Variants in AKT1S1 observed in about 807,000 individuals in gnomAD.
The protein encoded by AKT1S1 is AKT1 substrate 1, also known as proline-rich AKT1 substrate 1.
Under a neutral mutation model 21.2 loss-of-function variants are expected in AKT1S1, and 17 were observed. The ratio of observed to expected loss-of-function variants is 0.80; its 90% CI spans 0.55 to 1.20. The LOEUF is 1.20. Among genes scored for constraint, AKT1S1 ranks in the 50% most tolerant of loss-of-function variants. The pLI, the probability that AKT1S1 is intolerant of heterozygous loss-of-function variation, is 0.00. For missense variants in AKT1S1, 366 were observed against 368.3 expected, an observed-to-expected ratio of 0.99 and a Z score of 0.05; for synonymous variants, 181 against 165.6, an observed-to-expected ratio of 1.09 and a Z score of -0.72.
intron 1 of AKT1S1, chr19:49,876,469 C>A: frequency 8.4e-7 from 1 of 1,188,862 alleles, no homozygotes; most frequent in Non-Finnish European, 1.1e-6. Flanking sequence ...AGCAAAGGAT[C>A]GCTGGCAGAC....
intron 1 of AKT1S1, chr19:49,876,458 C>T: frequency 4.3e-6 from 5 of 1,166,130 alleles, no homozygotes; most frequent in Non-Finnish European, 5.5e-6. Flanking sequence ...TTCCAGCGCT[C>T]AGCAAAGGAT....
chr19:49,872,004 T>G (rs2074890816), intron 2 of AKT1S1, 115 bp from the exon 3 acceptor site: 2 of 1,124,004 alleles, frequency 1.8e-6, no homozygotes, highest in South Asian at 2.7e-5. Flanking sequence ...CCCTGAAGCT[T>G]CTGAGACCCA....
At position 49,869,567 on chromosome 19, in the gene AKT1S1, G is replaced by T. The variant is rs1283577540; in HGVS notation, c.*350C>A. On this transcript the variant is annotated 3_prime_UTR_variant, in exon 5 of 5. Coordinates refer to ENST00000344175, the MANE Select transcript of AKT1S1 (RefSeq NM_001098633.4). ...AAAAAGAGCTGTCCAGCGACTAGGG[G>T]ATGGAGCCAATGCCGTGCGAGCAAA... 6 of 209,200 alleles carry T rather than the reference G, an allele frequency of 2.9e-5. 1 individual carries two copies. Among genetic ancestry groups the T allele is most frequent in the South Asian group, 1.5e-4 (1 of 6,596 alleles). 13.0% of individuals were successfully genotyped at this position (209,200 alleles called of 1,614,324 possible).
chr19:49,875,747 T>A (rs962592288), intron 1 of AKT1S1: 6 of 598,824 alleles, frequency 1.0e-5, no homozygotes, highest in African/African-American at 2.0e-5. Context: ...TTGTGAGGGC[T>A]CCCCCAACTC....
upstream of AKT1S1, chr19:49,878,140 C>G: frequency 2.5e-6 from 4 of 1,574,356 alleles, no homozygotes; most frequent in Non-Finnish European, 2.6e-6. Flanking sequence ...CCCCCCAACT[C>G]AGGTGGTGTT....
At chr19:49,876,833 T>A in intron 1 of AKT1S1, 1 of 628,216 alleles carries the variant, frequency 1.6e-6, no homozygotes, top group South Asian at 3.2e-5. Flanking sequence ...GCATTTCCAT[T>A]TGCCCCCAAC....
At position 49,870,005 on chromosome 19, in the gene AKT1S1, C is replaced by G; in HGVS notation, c.683G>C (p.Arg228Pro). ...IAASMRALVL[R>P]EAEDTQVFGD... ...GAAGACCTGGGTGTCCTCGGCCTCT[C>G]GCAGCACCAGCGCGCGCATGCTCGC... Residue 228 changes from arginine to proline, a missense_variant, in exon 5 of 5, where the codon CGA (arginine) becomes CCA (proline). Arg to Pro is a moderately radical substitution (Grantham distance 103). Coordinates refer to ENST00000344175, the MANE Select transcript of AKT1S1 (RefSeq NM_001098633.4). 6.5e-7 allele frequency: 1 copy of G among 1,547,728 alleles called. No homozygotes were observed. The highest frequency in any genetic ancestry group is 2.5e-5 in the East Asian group (1 of 39,902).
chr19:49,876,136 T>C (rs866743895), intron 1 of AKT1S1: 2 of 992,914 alleles, frequency 2.0e-6, no homozygotes, highest in Non-Finnish European at 2.4e-6. Flanking sequence ...AACCTGAGCA[T>C]GAACGCGGTA....
chr19:49,869,688 GGA>G lies in AKT1S1; in HGVS notation c.*227_*228del, dbSNP rs772350340. ...TAATAGAAGGAATCTGTCGCTAGGC[GGA>G]GAGAGACGACAGACCCAATCGGGAA... On this transcript the variant is annotated 3_prime_UTR_variant, in exon 5 of 5. Transcript: ENST00000344175. 4.5e-5 allele frequency: 20 copies of G among 445,440 alleles called. No individual in the cohort carries two copies. Among genetic ancestry groups the G allele is most frequent in the Admixed American group, 1.3e-4 (3 of 23,380 alleles). 27.6% of individuals were successfully genotyped at this position (445,440 alleles called of 1,614,324 possible).
intron 4 of AKT1S1, among the ~76,000 whole-genome samples, chr19:49,870,461 C>T (rs1247557861): frequency 6.6e-6 from 1 of 152,204 alleles, no homozygotes; most frequent in Non-Finnish European, 1.5e-5. Context: ...GGTTTTGCTT[C>T]CCTAGGCCTC....
In AKT1S1 at chr19:49,871,686, C is replaced by G. The variant is rs754890149; in HGVS notation, c.488G>C (p.Gly163Ala). 5 of 1,612,720 alleles carry G rather than the reference C, an allele frequency of 3.1e-6. No individual in the cohort carries two copies. Among genetic ancestry groups the G allele is most frequent in the East Asian group, 2.2e-5 (1 of 44,878 alleles). The stretch of plus-strand genomic sequence containing the variant: ...TGGGGGCACTGAGCAGGTGGGGGGG[C>G]CGGCGGGGGTCTCCTCGCTCAGGCT... ...DGSLSEETPA[G>A]PPTCSVPPAS... The change falls in exon 4 of 5, where the codon GGC (glycine) becomes GCC (alanine). Residue 163 changes from glycine to alanine, a missense_variant. Transcript: ENST00000344175.
intron 1 of AKT1S1, 169 bp downstream of exon 1, chr19:49,877,068 A>C (rs1368684233): frequency 5.3e-6 from 1 of 190,088 alleles, no homozygotes; most frequent in Non-Finnish European, 1.1e-5. Context: ...CCAACACGGC[A>C]GCATTTCTTG....
upstream of AKT1S1, chr19:49,878,131 C>G: frequency 6.4e-7 from 1 of 1,568,498 alleles, no homozygotes; most frequent in South Asian, 1.2e-5. Context: ...TCGCTGGTTC[C>G]CCCCAACTCA....
At chr19:49,877,586 G>C (rs1010629299), upstream of AKT1S1, 1 of 852,836 alleles carries the variant, frequency 1.2e-6, no homozygotes, top group African/African-American at 1.7e-5. Context: ...TCTGAAAAAT[G>C]GTTTCACCCG....
chr19:49,873,581 A>T lies in AKT1S1; in HGVS notation c.-7-279T>A, dbSNP rs2074910155. The T allele has an allele frequency of 4.4e-6, 2 of 453,534 alleles. No homozygotes were observed. Among genetic ancestry groups the T allele is most frequent in the Middle Eastern group, 5.8e-4 (1 of 1,732 alleles). 28.1% of individuals were successfully genotyped at this position (453,534 alleles called of 1,614,324 possible). On this transcript the variant is annotated intron_variant, in intron 1 of 4. Coordinates refer to ENST00000344175, the MANE Select transcript of AKT1S1 (RefSeq NM_001098633.4). This position sits in a 1 kb window ranked among gnomAD's most constrained non-coding sequence, Gnocchi z 6.9. ...TTGGCCCTGCCCTGGCCTCTGTGGG[A>T]GCCGCCAGCCACATGTGAACAGGGA...
intron 2 of AKT1S1, among the ~76,000 whole-genome samples, chr19:49,872,548 G>C (rs150316600): frequency 7.0e-4 from 107 of 152,182 alleles, no homozygotes; most frequent in African/African-American, 2.3e-3. Context: ...CTCCTGCTTG[G>C]CCTCCCAGGC....
rs1021523309 is a variant in AKT1S1, at chr19:49,873,701, A to C, written c.-7-399T>G. On this transcript the variant is annotated intron_variant, in intron 1 of 4. Transcript: ENST00000344175. This position sits in a 1 kb window ranked among gnomAD's most constrained non-coding sequence, Gnocchi z 6.9. ...GGGTTCTGAAGACTGAGTACAATAA[A>C]GCCGAACGAGCCGGGCGTGGTGGCT... 8 of 171,026 alleles carry C rather than the reference A, an allele frequency of 4.7e-5. No homozygotes were observed. Among genetic ancestry groups the C allele is most frequent in the Non-Finnish European group, 9.9e-5 (8 of 81,138 alleles). The allele number at this position is 171,026 out of a possible 1,614,324, so 10.6% of individuals were successfully genotyped here.
At position 49,869,894 on chromosome 19, in the gene AKT1S1, C is replaced by T; in HGVS notation, c.*23G>A. 6.8e-7 allele frequency: 1 copy of T among 1,465,858 alleles called. No individual in the cohort carries two copies. Among genetic ancestry groups the T allele is most frequent in the Non-Finnish European group, 9.1e-7 (1 of 1,094,634 alleles). 90.8% of individuals were successfully genotyped at this position (1,465,858 alleles called of 1,614,324 possible). Reference sequence around the variant, plus strand: ...TAGTGTGGGACGGGGCGGACGCGGCCCGGGGCGCTCCCTCCCTGGACTTCA... The same window carrying T: ...TAGTGTGGGACGGGGCGGACGCGGCTCGGGGCGCTCCCTCCCTGGACTTCA... On this transcript the variant is annotated 3_prime_UTR_variant, in exon 5 of 5. Coordinates refer to ENST00000344175, the MANE Select transcript of AKT1S1 (RefSeq NM_001098633.4).
At chr19:49,878,098 T>A (rs1415989776), upstream of AKT1S1, 1 of 1,484,748 alleles carries the variant, frequency 6.7e-7, no homozygotes. Context: ...CCCAGGCTGG[T>A]CCCCTCGCTT....
Sources: gnomAD v4.1 joint callset for allele counts (sites outside exome capture counted in the v4.1 genomes callset) on GRCh38, gnomAD v4.1.1 for gene constraint, Gnocchi (gnomAD v3.1) non-coding constraint, MANE v1.5 for transcripts, NCBI Gene and HGNC (gene_info 2026-07-23, HGNC 2026-07-21) for gene names.